VPS13B: variants seen among roughly 807,000 people sequenced by gnomAD.
The protein encoded by VPS13B is intermembrane lipid transfer protein VPS13B.
VPS13B carries 285 observed loss-of-function variants against 426.4 expected under a neutral mutation model. The observed-to-expected ratio is 0.67, with a 90% CI of 0.61 to 0.74. The LOEUF (loss-of-function observed/expected upper bound fraction) is 0.74. VPS13B is among the 30% of genes least tolerant of loss of function. VPS13B has a pLI of 0.00. For synonymous variants in VPS13B, 1,676 were observed against 1,676.4 expected (o/e 1.00, Z 0.01); for missense variants, 4,537 against 4,782.6 (o/e 0.95, Z 1.51).
intron 19 of VPS13B, among the ~76,000 whole-genome samples, chr8:99,308,627 C>T (rs1013274505): frequency 6.6e-6 from 1 of 152,068 alleles, no homozygotes; most frequent in African/African-American, 2.4e-5. Context: ...GTGAATAGTG[C>T]CGCAATAAAC....
intron 35 of VPS13B, chr8:99,697,630 A>C: frequency 3.1e-6 from 2 of 640,862 alleles, no homozygotes; most frequent in South Asian, 3.3e-5. Context: ...AAAGCATCTA[A>C]AGCCACCAAG....
chr8:99,615,189 T>G (rs376079612), intron 33 of VPS13B, among the ~76,000 whole-genome samples: 1 of 152,200 alleles, frequency 6.6e-6, no homozygotes, highest in South Asian at 2.1e-4. Context: ...CTTCTAAAAT[T>G]TGCCTTTGTT....
At chr8:99,456,180 T>A (rs1490086784) in intron 23 of VPS13B, among the ~76,000 whole-genome samples, 1 of 152,116 alleles carries the variant, frequency 6.6e-6, no homozygotes, top group African/African-American at 2.4e-5. Context: ...AATTTATTTA[T>A]TTTTTTGAGG....
intron 2 of VPS13B, among the ~76,000 whole-genome samples, chr8:99,026,993 C>T (rs959384936): frequency 6.6e-6 from 1 of 152,174 alleles, no homozygotes; most frequent in Non-Finnish European, 1.5e-5. Flanking sequence ...TCTCCCGCCT[C>T]AGCCTCCTAA....
rs376621470 is a variant in VPS13B at position 99,325,339 on chromosome 8, A to G, written c.2824+50085A>G. Among the ~76,000 whole-genome samples the G allele has an allele frequency of 3.2e-4, 49 of 152,330 alleles. No homozygotes were observed. In the East Asian group the frequency reaches 9.4e-3, roughly 29 times the overall value. The stretch of plus-strand genomic sequence containing the variant: ...CACCGTCAATCACAGAATTGGTTGG[A>G]TAGTTTGCTTTCTTGCTAATTTTGC... On this transcript the variant is annotated intron_variant, in intron 19 of 61. Coordinates refer to ENST00000357162, the MANE Select transcript of VPS13B (RefSeq NM_152564.5).
At chr8:99,454,095 A>G (rs908319743) in intron 23 of VPS13B, among the ~76,000 whole-genome samples, 1 of 152,158 alleles carries the variant, frequency 6.6e-6, no homozygotes, top group Non-Finnish European at 1.5e-5. Context: ...ATGTCATATA[A>G]TTGGCATCAA....
intron 28 of VPS13B, 92 bp downstream of exon 28, chr8:99,507,295 T>A: frequency 3.0e-6 from 4 of 1,343,472 alleles, no homozygotes; most frequent in Non-Finnish European, 4.2e-6. Flanking sequence ...GTTACAAGAA[T>A]TTGAGTTCAG....
rs1408742746 is a variant in VPS13B, at chr8:99,711,242, T to A, written c.6455-5929T>A. 1.3e-5 allele frequency among the ~76,000 whole-genome samples: 2 copies of A among 152,174 alleles called. 1 individual carries two copies. The highest frequency in any genetic ancestry group is 4.1e-4 in the South Asian group (2 of 4,824). On this transcript the variant is annotated intron_variant, in intron 36 of 61. Transcript: ENST00000357162. ...ATGTGTAGCAGACAAGGAAGGCACATGGGGAGGAGTTGAATCAGTTGTGTA... is the reference window on the plus strand; with the variant it reads ...ATGTGTAGCAGACAAGGAAGGCACAAGGGGAGGAGTTGAATCAGTTGTGTA...
chr8:99,771,276 A>G (rs987928614), intron 40 of VPS13B, among the ~76,000 whole-genome samples: 1 of 152,178 alleles, frequency 6.6e-6, no homozygotes, highest in African/African-American at 2.4e-5. Flanking sequence ...TCTTCTCACA[A>G]TATTAAAGCA....
At chr8:99,076,149 T>C (rs1241724149) in intron 3 of VPS13B, among the ~76,000 whole-genome samples, 1 of 152,194 alleles carries the variant, frequency 6.6e-6, no homozygotes, top group Non-Finnish European at 1.5e-5. Flanking sequence ...GTTTGATTTG[T>C]CTCTATTTGT....
intron 43 of VPS13B, among the ~76,000 whole-genome samples, chr8:99,807,953 A>C (rs1813489261): frequency 6.6e-6 from 1 of 151,704 alleles, no homozygotes; most frequent in Non-Finnish European, 1.5e-5. Flanking sequence ...AAATTTAAGC[A>C]TGTTATCAGG....
intron 3 of VPS13B, among the ~76,000 whole-genome samples, chr8:99,083,235 A>G (rs1845584684): frequency 6.6e-6 from 1 of 152,100 alleles, no homozygotes; most frequent in Non-Finnish European, 1.5e-5. Context: ...TGTGAATGGG[A>G]GTTCACTCAT....
chr8:99,606,692 T>C (rs548500309), intron 33 of VPS13B, among the ~76,000 whole-genome samples: 1 of 148,434 alleles, frequency 6.7e-6, no homozygotes, highest in African/African-American at 2.5e-5. Flanking sequence ...TGCAGTGACG[T>C]GATCTCAGCC....
chr8:99,864,182 C>T (rs912281853), intron 58 of VPS13B, among the ~76,000 whole-genome samples: 11 of 152,326 alleles, frequency 7.2e-5, no homozygotes, highest in African/African-American at 2.6e-4. Context: ...TTTAATTCTT[C>T]CCCAGAAATG....
At chr8:99,065,725 T>C (rs1055085301) in intron 3 of VPS13B, among the ~76,000 whole-genome samples, 4 of 152,226 alleles carry the variant, frequency 2.6e-5, no homozygotes, top group African/African-American at 9.6e-5. Context: ...TGTCCCTGTT[T>C]GCAGATGACA....
At chr8:99,176,771 A>G (rs1378713922) in intron 16 of VPS13B, among the ~76,000 whole-genome samples, 1 of 152,222 alleles carries the variant, frequency 6.6e-6, no homozygotes, top group African/African-American at 2.4e-5. Context: ...TAAGAAAGGA[A>G]TACTAGAGAC....
At chr8:99,820,731 A>T (rs576784322) in intron 49 of VPS13B, among the ~76,000 whole-genome samples, 7 of 152,192 alleles carry the variant, frequency 4.6e-5, no homozygotes, top group Admixed American at 4.6e-4. Flanking sequence ...GAAGACACAC[A>T]AATCTATTTA....
chr8:99,266,866 A>G (rs1018212101), intron 17 of VPS13B, among the ~76,000 whole-genome samples: 3 of 152,214 alleles, frequency 2.0e-5, no homozygotes, highest in Non-Finnish European at 4.4e-5. Flanking sequence ...GAGTCAATCA[A>G]ACCTCTTTTC....
chr8:99,871,497 G>A lies in VPS13B; in HGVS notation c.11545G>A (p.Val3849Met), dbSNP rs781773703. 29 of 1,614,104 alleles carry A rather than the reference G, an allele frequency of 1.8e-5. No homozygotes were observed. The highest frequency in any genetic ancestry group is 3.3e-5 in the Admixed American group (2 of 60,014). Residue 3849 changes from valine (V) to methionine (M), a missense_variant, in exon 61 of 62, where the codon GTG becomes ATG. Around this residue, in one of 2 missense-constraint regions of VPS13B, gnomAD observed 4,311 missense variants for 4,474.3 expected, o/e 0.96. Transcript: ENST00000357162. ...ACCAGAAGTCCACATGGCCCTGGACGTGGTTCTGGTGAGGGGCTCAGGCCA... is the reference window on the plus strand; with the variant it reads ...ACCAGAAGTCCACATGGCCCTGGACATGGTTCTGGTGAGGGGCTCAGGCCA... ...GRPEVHMALD[V>M]VLVRGSGQEH... is the part of the protein sequence containing the mutation.
Sources: allele counts gnomAD v4.1 joint callset (sites outside exome capture counted in the v4.1 genomes callset), GRCh38; gene constraint gnomAD v4.1.1; regional missense constraint gnomAD v4.1.1; transcripts MANE v1.5; gene names NCBI Gene and HGNC (gene_info 2026-07-23, HGNC 2026-07-21).